EYS: variants seen among roughly 807,000 people sequenced by gnomAD.
EYS encodes the protein protein eyes shut homolog.
EYS carries 250 observed loss-of-function variants against 282.1 expected under a neutral mutation model. The observed-to-expected ratio is 0.89, with a 90% CI of 0.80 to 0.98. The LOEUF (loss-of-function observed/expected upper bound fraction) is 0.98. Ranked by LOEUF, EYS falls within the 50% of genes least tolerant of loss-of-function variation. The probability of loss-of-function intolerance (pLI) is 0.00; values close to 1 mark genes in which losing one functional copy is unlikely to be tolerated. For missense variants in EYS, 4,016 were observed against 3,709.0 expected, an observed-to-expected ratio of 1.08 and a Z score of -2.15; for synonymous variants, 1,355 against 1,282.9, an observed-to-expected ratio of 1.06 and a Z score of -1.20.
At chr6:65,674,419 C>A (rs1768503541) in intron 1 of EYS, among the ~76,000 whole-genome samples, 1 of 133,068 alleles carries the variant, frequency 7.5e-6, no homozygotes, top group Non-Finnish European at 1.5e-5. Context: ...CCACTGTATT[C>A]CAGCCTGAGT....
At chr6:63,826,805 A>G (rs982519021) in intron 36 of EYS, among the ~76,000 whole-genome samples, 3 of 151,254 alleles carry the variant, frequency 2.0e-5, no homozygotes, top group Non-Finnish European at 4.4e-5. Context: ...TAAAGCATAA[A>G]TCACAGAGGA....
intron 31 of EYS, among the ~76,000 whole-genome samples, chr6:64,191,479 C>CG (rs1329378324): frequency 2.1e-5 from 3 of 142,888 alleles, no homozygotes; most frequent in Admixed American, 7.2e-5. Context: ...CTATCCCTTC[C>CG]CCCCCCACCC....
At chr6:63,904,545 T>C (rs534143788) in intron 35 of EYS, among the ~76,000 whole-genome samples, 11 of 152,294 alleles carry the variant, frequency 7.2e-5, no homozygotes, top group African/African-American at 2.4e-4. Flanking sequence ...TCAAAATTGA[T>C]TCAATGCTGT....
At chr6:63,831,182 AATC>A (rs1562048129) in intron 36 of EYS, among the ~76,000 whole-genome samples, 2 of 152,122 alleles carry the variant, frequency 1.3e-5, no homozygotes, top group African/African-American at 2.4e-5. Flanking sequence ...AACCAGCTAA[AATC>A]ATAATGACAG....
At chr6:64,182,947 C>A (rs763704770) in intron 31 of EYS, among the ~76,000 whole-genome samples, 25 of 152,118 alleles carry the variant, frequency 1.6e-4, no homozygotes, top group Non-Finnish European at 3.2e-4. Context: ...TATGGTTTGG[C>A]TCTGTGTCCC....
At chr6:64,564,602 C>A (rs1227728227) in intron 26 of EYS, among the ~76,000 whole-genome samples, 5 of 151,886 alleles carry the variant, frequency 3.3e-5, no homozygotes, top group Non-Finnish European at 5.9e-5. Context: ...ATACTTTAGT[C>A]TGGAATATAT....
chr6:64,215,967 A>G (rs1582439114), intron 31 of EYS, among the ~76,000 whole-genome samples: 2 of 152,236 alleles, frequency 1.3e-5, no homozygotes, highest in East Asian at 3.9e-4. Context: ...TGAAAAGAAC[A>G]TTGGCGGGCA....
chr6:63,861,376 G>A (rs931559593), intron 36 of EYS, among the ~76,000 whole-genome samples: 9 of 152,072 alleles, frequency 5.9e-5, no homozygotes, highest in African/African-American at 1.9e-4. Context: ...CTTGTCCTAG[G>A]CATAATTATC....
chr6:64,574,096 A>G (rs1032523326), intron 26 of EYS, among the ~76,000 whole-genome samples: 2 of 152,224 alleles, frequency 1.3e-5, no homozygotes, highest in African/African-American at 4.8e-5. Context: ...CTATGCAGCC[A>G]TAAAAAAGGA....
chr6:64,157,974 T>C (rs549201129), intron 31 of EYS, among the ~76,000 whole-genome samples: 1 of 152,280 alleles, frequency 6.6e-6, no homozygotes, highest in East Asian at 1.9e-4. Flanking sequence ...TTGCACCGTT[T>C]GGCTGGAAAA....
intron 22 of EYS, among the ~76,000 whole-genome samples, chr6:64,792,790 T>G (rs994244581): frequency 2.0e-5 from 3 of 152,018 alleles, no homozygotes; most frequent in Non-Finnish European, 4.4e-5. Flanking sequence ...GATTCCTTTC[T>G]GTCTCCCTGT....
At chr6:64,205,899 C>T (rs947850966) in intron 31 of EYS, among the ~76,000 whole-genome samples, 1 of 151,702 alleles carries the variant, frequency 6.6e-6, no homozygotes, top group South Asian at 2.1e-4. Context: ...TTAGTCAATA[C>T]AGACCTGCAA....
intron 22 of EYS, among the ~76,000 whole-genome samples, chr6:64,635,151 G>T (rs1361136499): frequency 1.3e-5 from 2 of 152,090 alleles, no homozygotes; most frequent in African/African-American, 2.4e-5. Flanking sequence ...TAAGAATGCT[G>T]GTGATTTTTG....
chr6:65,075,051 T>C (rs1307111608), intron 12 of EYS, among the ~76,000 whole-genome samples: 3 of 152,080 alleles, frequency 2.0e-5, no homozygotes, highest in African/African-American at 7.2e-5. Context: ...AAAATGTATA[T>C]AATTTTCATA....
intron 26 of EYS, among the ~76,000 whole-genome samples, chr6:64,539,287 G>C (rs1288983694): frequency 6.6e-6 from 1 of 152,148 alleles, no homozygotes; most frequent in African/African-American, 2.4e-5. Flanking sequence ...GACTCTTAGT[G>C]GGGTACAGAG....
intron 23 of EYS, among the ~76,000 whole-genome samples, chr6:64,621,478 A>C (rs562883047): frequency 1.3e-5 from 2 of 152,278 alleles, no homozygotes; most frequent in Non-Finnish European, 2.9e-5. Flanking sequence ...ATATGTAAAA[A>C]AATTTTACAT....
rs201256229 is a variant in EYS, at chr6:64,431,793, CT to C, written c.5927+4380del. 8.6e-3 allele frequency among the ~76,000 whole-genome samples: 1,311 copies of C among 152,200 alleles called. 26 individuals are homozygous for C. Among genetic ancestry groups the C allele is most frequent in the African/African-American group, 0.029 (1,201 of 41,534 alleles). On this transcript the variant is annotated intron_variant, in intron 28 of 42. Coordinates refer to ENST00000503581, the MANE Select transcript of EYS (RefSeq NM_001142800.2). ...TCTCAAATTATTACCTTCCTCTCTT[CT>C]TTTGATACCAGTACTTAATTAAGGA...
At chr6:64,327,527 T>A (rs1224312729) in intron 29 of EYS, among the ~76,000 whole-genome samples, 1 of 152,052 alleles carries the variant, frequency 6.6e-6, no homozygotes, top group East Asian at 1.9e-4. Flanking sequence ...ATGGGCCAAG[T>A]GTTCCGGGTA....
At chr6:65,063,150 CTT>C (rs1216482126) in intron 12 of EYS, among the ~76,000 whole-genome samples, 1 of 151,802 alleles carries the variant, frequency 6.6e-6, no homozygotes, top group Non-Finnish European at 1.5e-5. Flanking sequence ...ATTATAAGAA[CTT>C]AATTTACATA....
Sources: allele counts gnomAD v4.1 joint callset (sites outside exome capture counted in the v4.1 genomes callset), GRCh38; gene constraint gnomAD v4.1.1; transcripts MANE v1.5; gene names NCBI Gene and HGNC (gene_info 2026-07-23, HGNC 2026-07-21).